GLP1R: variants seen among roughly 807,000 people sequenced by gnomAD.
The protein encoded by GLP1R is glucagon like peptide 1 receptor.
In GLP1R, 32 loss-of-function variants were observed where a neutral mutation model predicts 68.4. That is an observed-to-expected ratio of 0.47 (90% confidence interval 0.35 to 0.63). GLP1R has a LOEUF of 0.63. GLP1R is among the 20% of genes least tolerant of loss of function. The probability of loss-of-function intolerance (pLI) is 0.00; values close to 1 mark genes in which losing one functional copy is unlikely to be tolerated. For synonymous variants in GLP1R, 263 were observed against 244.4 expected (o/e 1.08, Z -0.71); for missense variants, 502 against 594.9 (o/e 0.84, Z 1.62).
At chr6:39,073,588 G>A (rs1184838380) in intron 6 of GLP1R, 22 bp from the exon 7 acceptor site, 1 of 1,611,170 alleles carries the variant, frequency 6.2e-7, no homozygotes, top group Non-Finnish European at 8.5e-7. Flanking sequence ...TTGTCCCCAT[G>A]ACACCCTTCC....
At position 39,086,441 on chromosome 6, in the gene GLP1R, C is replaced by T. The variant is rs200067731; in HGVS notation, c.*368C>T. 8 of 188,730 alleles carry T rather than the reference C, an allele frequency of 4.2e-5. No homozygotes were observed. The highest frequency in any genetic ancestry group is 1.3e-4 in the East Asian group (1 of 7,946). 11.7% of individuals were successfully genotyped at this position (188,730 alleles called of 1,614,324 possible). A position where few individuals can be genotyped will look rare whatever the true frequency, so the allele number is the denominator to read the frequency against. On this transcript the variant is annotated 3_prime_UTR_variant, in exon 13 of 13. Transcript: ENST00000373256. The surrounding 1 kb of genome is among the most constrained non-coding windows in gnomAD (Gnocchi z 4.5). ...ACCCCAGACTCAAACTCAAGGTCAACGGCTTATTAGTGAAACTGGGGCTTG... is the reference window on the plus strand; with the variant it reads ...ACCCCAGACTCAAACTCAAGGTCAATGGCTTATTAGTGAAACTGGGGCTTG...
chr6:39,084,422 G>A (rs1769091492), intron 12 of GLP1R, among the ~76,000 whole-genome samples: 2 of 152,148 alleles, frequency 1.3e-5, no homozygotes, highest in Admixed American at 6.5e-5. Context: ...AGTCCCATAG[G>A]TGTCCCTGAA....
chr6:39,052,550 C>T (rs1426785109), intron 1 of GLP1R, among the ~76,000 whole-genome samples: 1 of 152,220 alleles, frequency 6.6e-6, no homozygotes, highest in East Asian at 1.9e-4. Context: ...ATCTGATACA[C>T]TTATTCGCAC....
In GLP1R at chr6:39,089,537, C is replaced by T. The variant is rs779319867; in HGVS notation, c.*3464C>T. Among the ~76,000 whole-genome samples, 11 of 152,316 alleles carry T rather than the reference C, an allele frequency of 7.2e-5. No individual in the cohort carries two copies. The South Asian group carries it at 2.3e-3, about 32-fold the overall frequency. ...TCAGGGTTGGCTGTGTACTATCCAG[C>T]AGCTCACAGTCAGGAGACCTCCCCT... On this transcript the variant is annotated 3_prime_UTR_variant, in exon 13 of 13. Coordinates refer to ENST00000373256, the MANE Select transcript of GLP1R (RefSeq NM_002062.5). This position sits in a 1 kb window ranked among gnomAD's most constrained non-coding sequence, Gnocchi z 4.1.
chr6:39,084,287 T>C (rs1355330048), intron 12 of GLP1R, among the ~76,000 whole-genome samples: 3 of 152,184 alleles, frequency 2.0e-5, no homozygotes, highest in African/African-American at 7.2e-5. Context: ...GTGCATACAG[T>C]AAGTGCCCAA....
chr6:39,063,051 T>C (rs947465664), intron 3 of GLP1R, among the ~76,000 whole-genome samples: 2 of 152,204 alleles, frequency 1.3e-5, no homozygotes, highest in Non-Finnish European at 2.9e-5. Flanking sequence ...CATCACACGG[T>C]TGCAGGCTGA....
chr6:39,060,424 G>C (rs773922760), intron 3 of GLP1R, among the ~76,000 whole-genome samples: 128 of 152,288 alleles, frequency 8.4e-4, no homozygotes, highest in African/African-American at 2.7e-3. Flanking sequence ...GACCAATGAG[G>C]CATATAAAGC....
In GLP1R at chr6:39,087,710, T is replaced by C. The variant is rs1370022185; in HGVS notation, c.*1637T>C. 6.6e-6 allele frequency: 1 copy of C among 152,148 alleles called. No individual in the cohort carries two copies. The highest frequency in any genetic ancestry group is 1.5e-5 in the Non-Finnish European group (1 of 68,030). The allele number at this position is 152,148 out of a possible 1,614,324, so 9.4% of individuals were successfully genotyped here. A position where few individuals can be genotyped will look rare whatever the true frequency, so the allele number is the denominator to read the frequency against. On this transcript the variant is annotated 3_prime_UTR_variant, in exon 13 of 13. Coordinates refer to ENST00000373256, the MANE Select transcript of GLP1R (RefSeq NM_002062.5). The stretch of plus-strand genomic sequence containing the variant: ...GATGTGCAAGGAAAATAATAGGATA[T>C]AAAACACATCAAGTAGAAAATTTCT...
rs1240481478 is a variant in GLP1R at position 39,049,201 on chromosome 6, C to T, written c.78+283C>T. 1.3e-5 allele frequency among the ~76,000 whole-genome samples: 2 copies of T among 152,180 alleles called. No homozygotes were observed. The highest frequency in any genetic ancestry group is 2.9e-5 in the Non-Finnish European group (2 of 68,022). On this transcript the variant is annotated intron_variant, in intron 1 of 12. Coordinates refer to ENST00000373256, the MANE Select transcript of GLP1R (RefSeq NM_002062.5). This position sits in a 1 kb window ranked among gnomAD's most constrained non-coding sequence, Gnocchi z 4.5. ...CCGGGCACCCGCTGCCCCGCGGCCG[C>T]CCTGCGCTGACTTCTGCTCCGCTTC...
At chr6:39,074,726 TCCTGTCCCTGAGCCTTTGCAAGG>T (rs1768768824) in intron 7 of GLP1R, among the ~76,000 whole-genome samples, 1 of 152,090 alleles carries the variant, frequency 6.6e-6, no homozygotes, top group Admixed American at 6.5e-5. Context: ...CTGACAATGG[TCCTGTCCCTGAGCCTTTGCAAGG>T]CTGTTCTCCA....
rs763952154 is a variant in GLP1R at position 39,065,806 on chromosome 6, G to A, written c.379G>A (p.Glu127Lys). The change falls in exon 4 of 13, where the codon GAG becomes AAG. Residue 127 changes from glutamate to lysine, a missense_variant. By Grantham distance (56) the Glu-to-Lys change is moderately conservative. Transcript: ENST00000373256. ...SLPWRDLSEC[E>K]ESKRGERSSP... ...GCCCTGGAGGGACTTGTCGGAGTGC[G>A]AGGAGTCCAAGCGAGGGGAAAGAGT... is the stretch of plus-strand genomic sequence containing the variant. The A allele has an allele frequency of 1.1e-5, 18 of 1,604,956 alleles. No homozygotes were observed. Among genetic ancestry groups the A allele is most frequent in the East Asian group, 4.5e-5 (2 of 44,638 alleles).
At position 39,079,796 on chromosome 6, in the gene GLP1R, G is replaced by A. The variant is rs985207783; in HGVS notation, c.1182+94G>A. 5 of 1,184,876 alleles carry A rather than the reference G, an allele frequency of 4.2e-6. No homozygotes were observed. The highest frequency in any genetic ancestry group is 4.9e-6 in the Non-Finnish European group (4 of 817,232). 73.4% of individuals were successfully genotyped at this position (1,184,876 alleles called of 1,614,324 possible). ...ATCATGCAGATGGAAAAGGTGGGAA[G>A]ACTGGGACCTGGAGGGGTGATCCCT... On this transcript the variant is annotated intron_variant, in intron 11 of 12. Transcript: ENST00000373256. This position sits in a 1 kb window ranked among gnomAD's most constrained non-coding sequence, Gnocchi z 4.5.
At chr6:39,056,521 A>G (rs754994072) in intron 2 of GLP1R, 28 bp downstream of exon 2, 2 of 1,205,322 alleles carry the variant, frequency 1.7e-6, no homozygotes, top group Non-Finnish European at 2.5e-6. Flanking sequence ...CCCCACCTTT[A>G]GTGCTCCCCA....
At chr6:39,084,753 ACT>A (rs1769102720) in intron 12 of GLP1R, among the ~76,000 whole-genome samples, 1 of 152,096 alleles carries the variant, frequency 6.6e-6, no homozygotes, top group East Asian at 1.9e-4. Context: ...GGCCATCTCA[ACT>A]CTACTCAGTG....
rs151250782 is a variant in GLP1R, at chr6:39,085,434, G to A, written c.1225-472G>A. On this transcript the variant is annotated intron_variant, in intron 12 of 12. Transcript: ENST00000373256. Reference sequence around the variant, plus strand: ...CCCCTGTGAGGTGCTGGGGCCTGGAGAGAAGCCCTCAGGGAGTTTAGAAGG... The same window carrying A: ...CCCCTGTGAGGTGCTGGGGCCTGGAAAGAAGCCCTCAGGGAGTTTAGAAGG... Among the ~76,000 whole-genome samples, 126 of 152,308 alleles carry A rather than the reference G, an allele frequency of 8.3e-4. 4 individuals are homozygous for A. In the East Asian group the frequency reaches 0.021, roughly 26 times the overall value.
intron 3 of GLP1R, among the ~76,000 whole-genome samples, chr6:39,057,967 C>T (rs1048836524): frequency 1.3e-5 from 2 of 152,346 alleles, no homozygotes; most frequent in South Asian, 4.1e-4. Context: ...AGACACAGCC[C>T]TCCCCACCCA....
intron 5 of GLP1R, 26 bp from the exon 6 acceptor site, chr6:39,072,836 G>A (rs201096507): frequency 1.9e-5 from 31 of 1,606,956 alleles, no homozygotes; most frequent in Non-Finnish European, 2.6e-5. Flanking sequence ...TGCCTTGCCA[G>A]GGAAAGGCCC....
intron 7 of GLP1R, among the ~76,000 whole-genome samples, chr6:39,074,783 C>G (rs1768770142): frequency 6.6e-6 from 1 of 152,190 alleles, no homozygotes; most frequent in Admixed American, 6.5e-5. Context: ...AGGGAGCATC[C>G]TTCCCACACC....
intron 5 of GLP1R, among the ~76,000 whole-genome samples, chr6:39,069,131 A>G (rs79492877): frequency 0.025 from 3,882 of 152,242 alleles, 157 homozygotes; most frequent in African/African-American, 0.086. Context: ...ATTCTATTTC[A>G]TTGCTCATAA....
Sources: gnomAD v4.1 joint callset for allele counts (sites outside exome capture counted in the v4.1 genomes callset) on GRCh38, gnomAD v4.1.1 for gene constraint, Gnocchi (gnomAD v3.1) non-coding constraint, MANE v1.5 for transcripts, NCBI Gene and HGNC (gene_info 2026-07-23, HGNC 2026-07-21) for gene names.